CDK7: variants seen among roughly 807,000 people sequenced by gnomAD.
CDK7 encodes cyclin-dependent kinase 7.
CDK7 carries 25 observed loss-of-function variants against 49.1 expected under a neutral mutation model. The observed-to-expected ratio is 0.51, with a 90% CI of 0.37 to 0.71. CDK7 has a LOEUF of 0.71. Ranked by LOEUF, CDK7 falls within the 30% of genes least tolerant of loss-of-function variation. The pLI is 0.00. For synonymous variants in CDK7, 107 were observed against 140.0 expected (o/e 0.76, Z 1.67); for missense variants, 316 against 411.7 (o/e 0.77, Z 2.01).
intron 8 of CDK7, among the ~76,000 whole-genome samples, chr5:69,265,766 C>T (rs1224890527): frequency 5.3e-5 from 8 of 152,030 alleles, no homozygotes; most frequent in South Asian, 2.1e-4. Context: ...AAAAATTAGC[C>T]GGGCATGGTA....
At chr5:69,236,314 A>G (rs1225647988) in intron 2 of CDK7, among the ~76,000 whole-genome samples, 1 of 152,166 alleles carries the variant, frequency 6.6e-6, no homozygotes, top group Non-Finnish European at 1.5e-5. Flanking sequence ...TTAACCTTCA[A>G]AACAATCTAT....
At chr5:69,257,185 A>G (rs1001733656) in intron 5 of CDK7, among the ~76,000 whole-genome samples, 2 of 152,202 alleles carry the variant, frequency 1.3e-5, no homozygotes, top group African/African-American at 4.8e-5. Context: ...GGTAAAGGAA[A>G]GGAGTAAGTA....
intron 3 of CDK7, among the ~76,000 whole-genome samples, chr5:69,252,974 A>G (rs916691709): frequency 2.6e-5 from 4 of 152,214 alleles, no homozygotes; most frequent in South Asian, 2.1e-4. Flanking sequence ...AAACATTCCA[A>G]ATCACCCACA....
At chr5:69,235,645 A>G (rs1748919340) in intron 2 of CDK7, 192 bp downstream of exon 2, 6 of 610,278 alleles carry the variant, frequency 9.8e-6, no homozygotes, top group South Asian at 2.1e-5. Context: ...TTTAATTTCT[A>G]TTGAAATGAA....
chr5:69,236,662 AT>A (rs979921049), intron 2 of CDK7, among the ~76,000 whole-genome samples: 2 of 149,238 alleles, frequency 1.3e-5, no homozygotes, highest in South Asian at 2.1e-4. Context: ...TTTATTTTTT[AT>A]TTTTTTTGAG....
intron 2 of CDK7, among the ~76,000 whole-genome samples, chr5:69,238,118 A>T (rs1044601849): frequency 6.6e-6 from 1 of 152,228 alleles, no homozygotes; most frequent in Non-Finnish European, 1.5e-5. Context: ...TGGACTTTAG[A>T]AATACTGATG....
At chr5:69,268,245 T>TA (rs1192269483) in intron 8 of CDK7, among the ~76,000 whole-genome samples, 1 of 152,162 alleles carries the variant, frequency 6.6e-6, no homozygotes. Context: ...ATCTCGTACT[T>TA]ACTCAACACA....
In CDK7 at chr5:69,259,874, T is replaced by C. The variant is rs974233671; in HGVS notation, c.465T>C (p.Asp155=). The change falls in exon 7 of 12, where the codon GAT becomes GAC. Residue 155 remains aspartate, a synonymous_variant. Transcript: ENST00000256443. ...AAAATGGAGTTCTAAAACTGGCAGA[T>C]TTTGGCCTGGCCAAATCTTTTGGGA... ...LDENGVLKLA[D]FGLAKSFGSP... is the part of the protein sequence containing the mutation. 3.7e-6 allele frequency: 6 copies of C among 1,613,936 alleles called. No individual in the cohort carries two copies. In the African/African-American group the frequency reaches 8.0e-5, roughly 22 times the overall value.
intron 2 of CDK7, among the ~76,000 whole-genome samples, chr5:69,237,608 A>G (rs1170118763): frequency 6.6e-6 from 1 of 152,076 alleles, no homozygotes; most frequent in Admixed American, 6.6e-5. Flanking sequence ...TTCCATTCAC[A>G]CTGTACCTAG....
chr5:69,238,285 CTT>C (rs11291825), intron 2 of CDK7, among the ~76,000 whole-genome samples: 146 of 129,978 alleles, frequency 1.1e-3, no homozygotes, highest in Admixed American at 1.8e-3. Flanking sequence ...TTTTTTTTTC[CTT>C]TTTTTTTTTT....
chr5:69,260,370 C>CA (rs967317935), intron 7 of CDK7, among the ~76,000 whole-genome samples: 109 of 146,392 alleles, frequency 7.4e-4, no homozygotes, highest in African/African-American at 1.1e-3. Context: ...AAAAAACAAA[C>CA]AAAAAAAAAA....
intron 8 of CDK7, among the ~76,000 whole-genome samples, chr5:69,268,834 C>CAAA (rs56877264): frequency 0.29 from 34,409 of 119,842 alleles, 5,149 homozygotes; most frequent in East Asian, 0.36. Flanking sequence ...GAGACTGTCT[C>CAAA]AAAAAAAAAA....
chr5:69,276,876 C>T (rs538573446), intron 11 of CDK7, among the ~76,000 whole-genome samples, 186 bp downstream of exon 11: 2 of 152,334 alleles, frequency 1.3e-5, no homozygotes, highest in Admixed American at 6.5e-5. Context: ...GTGAATACTT[C>T]GGCAGCTTTT....
At chr5:69,256,541 A>G (rs150332984) in intron 5 of CDK7, among the ~76,000 whole-genome samples, 209 of 151,236 alleles carry the variant, frequency 1.4e-3, no homozygotes, top group African/African-American at 4.9e-3. Context: ...GGGTTTCACT[A>G]TGTTGGACGG....
At chr5:69,256,718 T>C (rs1388714846) in intron 5 of CDK7, among the ~76,000 whole-genome samples, 1 of 152,104 alleles carries the variant, frequency 6.6e-6, no homozygotes, top group Non-Finnish European at 1.5e-5. Flanking sequence ...ATCACAATAT[T>C]AGTGATGCTG....
intron 2 of CDK7, chr5:69,250,676 G>A (rs1750078345): frequency 2.2e-6 from 1 of 455,952 alleles, no homozygotes; most frequent in South Asian, 1.5e-5. Context: ...CTTCCCCAGG[G>A]CAACCAAGCT....
Position 69,245,422 on chromosome 5 carries a change from A to G in CDK7, c.127-6996A>G, listed in dbSNP as rs2172055. On this transcript the variant is annotated intron_variant, in intron 2 of 11. Transcript: ENST00000256443. ...AGTGGCGTCATCTCAGCTCATTGCA[A>G]CCTCCACCTCCTGGGTTCAAGTATT... 7.4e-5 allele frequency among the ~76,000 whole-genome samples: 11 copies of G among 148,652 alleles called. No individual in the cohort carries two copies. In the East Asian group the frequency reaches 1.6e-3, roughly 21 times the overall value.
intron 10 of CDK7, among the ~76,000 whole-genome samples, chr5:69,274,643 T>G (rs953430189): frequency 6.6e-6 from 1 of 152,088 alleles, no homozygotes; most frequent in Non-Finnish European, 1.5e-5. Context: ...TGAGACGAAG[T>G]CTTGCTCTGT....
At chr5:69,254,417 G>C (rs1224178972) in intron 3 of CDK7, among the ~76,000 whole-genome samples, 185 bp from the exon 4 acceptor site, 1 of 151,238 alleles carries the variant, frequency 6.6e-6, no homozygotes, top group Non-Finnish European at 1.5e-5. Flanking sequence ...TGCTACTCTG[G>C]AGGCTGAGGC....
Sources: allele counts gnomAD v4.1 joint callset (sites outside exome capture counted in the v4.1 genomes callset), GRCh38; gene constraint gnomAD v4.1.1; transcripts MANE v1.5; gene names NCBI Gene and HGNC (gene_info 2026-07-23, HGNC 2026-07-21).